The following ABCB4 variants were observed in gnomAD, a reference collection of about 807,000 sequenced individuals.
The protein encoded by ABCB4 is phosphatidylcholine translocator ABCB4.
Under a neutral mutation model 145.7 loss-of-function variants are expected in ABCB4, and 76 were observed. That is an observed-to-expected ratio of 0.52 (90% CI 0.43 to 0.63). The LOEUF (loss-of-function observed/expected upper bound fraction) is 0.63, where lower values mean the gene tolerates loss of function less well. ABCB4 is among the 30% of genes least tolerant of loss of function. The pLI, the probability that ABCB4 is intolerant of heterozygous loss-of-function variation, is 0.00. For missense variants in ABCB4, 1,234 were observed against 1,553.1 expected (o/e 0.79, Z 3.45); for synonymous variants, 517 against 566.8 (o/e 0.91, Z 1.25).
At chr7:87,413,548 T>C (rs1808768970) in intron 22 of ABCB4, 69 bp downstream of exon 22, 7 of 1,025,348 alleles carry the variant, frequency 6.8e-6, no homozygotes, top group African/African-American at 1.6e-5. Flanking sequence ...GCTTTTATTA[T>C]CTTTTTGGGA....
At chr7:87,410,777 T>C (rs1215609996) in intron 23 of ABCB4, among the ~76,000 whole-genome samples, 2 of 152,172 alleles carry the variant, frequency 1.3e-5, no homozygotes, top group Non-Finnish European at 2.9e-5. Flanking sequence ...TTCATAGGAT[T>C]TGGCCAATGG....
intron 4 of ABCB4, among the ~76,000 whole-genome samples, chr7:87,458,562 C>T (rs1337682615): frequency 6.6e-6 from 1 of 152,156 alleles, no homozygotes; most frequent in East Asian, 1.9e-4. Flanking sequence ...TCTATCTGTT[C>T]CCAACCCCCA....
chr7:87,417,610 A>C lies in ABCB4; in HGVS notation c.2479-95T>G. 7 of 978,918 alleles carry C rather than the reference A, an allele frequency of 7.2e-6. No individual in the cohort carries two copies. In the South Asian group the frequency reaches 8.0e-5, roughly 11 times the overall value. 60.6% of individuals were successfully genotyped at this position (978,918 alleles called of 1,614,324 possible). On this transcript the variant is annotated intron_variant, in intron 20 of 27. Transcript: ENST00000649586. ...TTGGTCAGAATGATGAGTGGGTTCT[A>C]TGCCTGAGCTACATTGGCTTACTTT... is the stretch of plus-strand genomic sequence containing the variant.
chr7:87,475,977 C>T (rs1307652082), upstream of ABCB4, among the ~76,000 whole-genome samples: 1 of 152,204 alleles, frequency 6.6e-6, no homozygotes, highest in Non-Finnish European at 1.5e-5. Context: ...CCTCGGGTGC[C>T]GAGAAAGCCT....
In ABCB4 at chr7:87,423,526, G is replaced by T. The variant is rs535181747; in HGVS notation, c.2211+380C>A. 10 of 317,028 alleles carry T rather than the reference G, an allele frequency of 3.2e-5. No individual in the cohort carries two copies. In the Middle Eastern group the frequency reaches 3.4e-3, roughly 106 times the overall value. 19.6% of individuals were successfully genotyped at this position (317,028 alleles called of 1,614,324 possible). The stretch of plus-strand genomic sequence containing the variant: ...GAGGCCAGTCTATACCCAGTGCCTG[G>T]ACTCTTATTAAACTCTATGACTTTA... On this transcript the variant is annotated intron_variant, in intron 17 of 27. Coordinates refer to ENST00000649586, the MANE Select transcript of ABCB4 (RefSeq NM_000443.4).
At chr7:87,446,022 T>C (rs1421374892) in intron 9 of ABCB4, among the ~76,000 whole-genome samples, 3 of 152,074 alleles carry the variant, frequency 2.0e-5, no homozygotes, top group Non-Finnish European at 4.4e-5. Context: ...ACATCAATAG[T>C]AAATGAGGAA....
the ABCB4 span, among the ~76,000 whole-genome samples, chr7:87,388,413 G>A: frequency 1.3e-5 from 2 of 152,194 alleles, no homozygotes; most frequent in South Asian, 2.1e-4. Flanking sequence ...GCATGTTACT[G>A]GTACCAACAC....
chr7:87,428,754 A>G (rs530066983), intron 15 of ABCB4, among the ~76,000 whole-genome samples: 2 of 152,356 alleles, frequency 1.3e-5, no homozygotes, highest in South Asian at 4.1e-4. Flanking sequence ...ATAAAAATGT[A>G]GAAATAAGCT....
At chr7:87,383,193 C>T in the ABCB4 span, among the ~76,000 whole-genome samples, 4 of 152,100 alleles carry the variant, frequency 2.6e-5, no homozygotes, top group Admixed American at 6.6e-5. Flanking sequence ...ACTGTGCTAT[C>T]GAACACTAGA....
the ABCB4 span, among the ~76,000 whole-genome samples, chr7:87,376,308 A>G: frequency 6.6e-6 from 1 of 152,246 alleles, no homozygotes; most frequent in South Asian, 2.1e-4. Context: ...TAACCTAATC[A>G]TAACCTGCAC....
chr7:87,398,492 T>C, downstream of ABCB4: 1 of 1,611,698 alleles, frequency 6.2e-7, no homozygotes, highest in Non-Finnish European at 8.5e-7. Context: ...GAGCCTTTTG[T>C]GTAATCATTA....
chr7:87,451,923 C>T, intron 6 of ABCB4, 129 bp from the exon 7 acceptor site: 1 of 839,072 alleles, frequency 1.2e-6, no homozygotes, highest in Non-Finnish European at 2.0e-6. Context: ...GAGTCTTAGC[C>T]TCTTGAATAA....
At chr7:87,423,771 A>G in intron 17 of ABCB4, 135 bp downstream of exon 17, 2 of 1,036,150 alleles carry the variant, frequency 1.9e-6, no homozygotes, top group East Asian at 2.4e-5. Flanking sequence ...TTTTCTCAAA[A>G]GGGATTTAAG....
At chr7:87,385,874 AT>A in the ABCB4 span, among the ~76,000 whole-genome samples, 2 of 151,908 alleles carry the variant, frequency 1.3e-5, no homozygotes, top group African/African-American at 4.8e-5. Flanking sequence ...TTTGTTGAAA[AT>A]TTTTTTTATC....
chr7:87,395,036 A>G, the ABCB4 span, among the ~76,000 whole-genome samples: 1 of 152,158 alleles, frequency 6.6e-6, no homozygotes, highest in Non-Finnish European at 1.5e-5. Flanking sequence ...AGAGAAGTGT[A>G]TTAGTCAGGG....
chr7:87,394,647 A>G, the ABCB4 span, among the ~76,000 whole-genome samples: 2 of 152,016 alleles, frequency 1.3e-5, no homozygotes, highest in Non-Finnish European at 2.9e-5. Flanking sequence ...TTGATCTCCA[A>G]TTAAAAATGC....
chr7:87,459,208 T>C (rs1375831538), intron 4 of ABCB4, among the ~76,000 whole-genome samples: 2 of 152,212 alleles, frequency 1.3e-5, no homozygotes, highest in Non-Finnish European at 2.9e-5. Flanking sequence ...AGTTCAGTAC[T>C]GTTAAGTATA....
intron 16 of ABCB4, among the ~76,000 whole-genome samples, chr7:87,425,452 T>G (rs1472848326): frequency 6.6e-6 from 1 of 152,160 alleles, no homozygotes; most frequent in Non-Finnish European, 1.5e-5. Flanking sequence ...ATACCAAGAT[T>G]AAGACCTCTA....
intron 21 of ABCB4, among the ~76,000 whole-genome samples, chr7:87,415,909 T>G (rs1808938928): frequency 6.6e-6 from 1 of 152,092 alleles, no homozygotes; most frequent in Non-Finnish European, 1.5e-5. Flanking sequence ...ATATGAAATG[T>G]GGAAAGAAGC....
Sources: allele counts gnomAD v4.1 joint callset (sites outside exome capture counted in the v4.1 genomes callset), GRCh38; gene constraint gnomAD v4.1.1; transcripts MANE v1.5; gene names NCBI Gene and HGNC (gene_info 2026-07-23, HGNC 2026-07-21).